ELFN1: variants seen among roughly 807,000 people sequenced by gnomAD.
The protein encoded by ELFN1 is protein ELFN1.
A neutral mutation model predicts 7.6 loss-of-function variants in ELFN1; 6 were observed. That is an observed-to-expected ratio of 0.79 (90% CI 0.43 to 1.56). The LOEUF (loss-of-function observed/expected upper bound fraction) is 1.56, where lower values mean the gene tolerates loss of function less well. ELFN1 is among the 40% of genes most tolerant of loss of function. ELFN1 has a pLI of 0.01. For missense variants in ELFN1, 1,169 were observed against 1,232.2 expected (o/e 0.95, Z 0.77); for synonymous variants, 657 against 588.1 (o/e 1.12, Z -1.70).
chr7:1,686,892 T>C (rs186557667), intron 1 of ELFN1, among the ~76,000 whole-genome samples: 2 of 152,290 alleles, frequency 1.3e-5, no homozygotes, highest in Non-Finnish European at 2.9e-5. Context: ...CCAGCTAGTC[T>C]ACTGGTGTAT....
intron 1 of ELFN1, among the ~76,000 whole-genome samples, chr7:1,676,180 T>G (rs903978787): frequency 2.6e-5 from 4 of 152,182 alleles, no homozygotes; most frequent in Non-Finnish European, 5.9e-5. Context: ...CAGGGCACCC[T>G]GGAGAGGAAC....
chr7:1,677,906 G>T (rs1265459576), intron 1 of ELFN1, among the ~76,000 whole-genome samples: 1 of 152,084 alleles, frequency 6.6e-6, no homozygotes, highest in Non-Finnish European at 1.5e-5. Context: ...GGCAGGGAGG[G>T]ACGTCAGGAA....
rs145795390 is a variant in ELFN1, at chr7:1,731,753, G to A, written c.-293-12551G>A. On this transcript the variant is annotated intron_variant, in intron 3 of 3. Coordinates refer to ENST00000424383, the MANE Select transcript of ELFN1 (RefSeq NM_001128636.4). ...TGCAATCTCCGCAGGAGAATCAAAC[G>A]ATTCTCCTGTCTCAGCCTCCTGAGT... 8.6e-3 allele frequency among the ~76,000 whole-genome samples: 1,310 copies of A among 152,276 alleles called. 25 individuals carry two copies. The highest frequency in any genetic ancestry group is 0.03 in the African/African-American group (1,241 of 41,550).
rs576084813 is a variant in ELFN1 at position 1,714,845 on chromosome 7, G to A, written c.-294+5593G>A. Among the ~76,000 whole-genome samples, 15 of 152,344 alleles carry A rather than the reference G, an allele frequency of 9.8e-5. No individual in the cohort carries two copies. The East Asian group carries it at 1.9e-3, about 20-fold the overall frequency. ...TAAACACTGCATGGTTGAACCCCAC[G>A]TGGGGGTCATTTTTCTTACGCAAAG... On this transcript the variant is annotated intron_variant, in intron 3 of 3. Transcript: ENST00000424383.
chr7:1,733,566 C>G (rs116339625), intron 3 of ELFN1, among the ~76,000 whole-genome samples: 2 of 152,204 alleles, frequency 1.3e-5, no homozygotes, highest in East Asian at 3.9e-4. Context: ...CTGAGCAAAC[C>G]GGGCTGGGCC....
At chr7:1,675,461 G>C (rs1022576753) in intron 1 of ELFN1, among the ~76,000 whole-genome samples, 2 of 152,260 alleles carry the variant, frequency 1.3e-5, no homozygotes, top group Non-Finnish European at 2.9e-5. Context: ...CAGCCTGGAG[G>C]CTCCCCCGTG....
intron 3 of ELFN1, among the ~76,000 whole-genome samples, chr7:1,737,186 G>A (rs1004242673): frequency 1.3e-5 from 2 of 152,080 alleles, no homozygotes; most frequent in African/African-American, 4.8e-5. Flanking sequence ...CGCAGCTCCT[G>A]CCAAAGCCCT....
At chr7:1,711,935 C>G (rs1044504517) in intron 3 of ELFN1, among the ~76,000 whole-genome samples, 2 of 152,220 alleles carry the variant, frequency 1.3e-5, no homozygotes, top group African/African-American at 4.8e-5. Flanking sequence ...CACGTTGCGG[C>G]AGAGAGAACA....
chr7:1,744,698 C>A lies in ELFN1; in HGVS notation c.102C>A (p.Gly34=). 6.4e-7 allele frequency: 1 copy of A among 1,551,582 alleles called. No individual in the cohort carries two copies. Among genetic ancestry groups the A allele is most frequent in the Non-Finnish European group, 8.7e-7 (1 of 1,146,982 alleles). The change falls in exon 4 of 4, where the codon GGC becomes GGA. Residue 34 remains glycine (G), a synonymous_variant. Coordinates refer to ENST00000424383, the MANE Select transcript of ELFN1 (RefSeq NM_001128636.4). ...LARADCWLIE[G]DKGFVWLAIC... ...GCGCAGACTGCTGGCTGATCGAGGG[C>A]GACAAGGGCTTCGTGTGGCTGGCCA...
chr7:1,693,721 T>G (rs1301797777), intron 2 of ELFN1: 13 of 470,788 alleles, frequency 2.8e-5, no homozygotes, highest in Non-Finnish European at 4.8e-5. Context: ...ACACTCACCC[T>G]CCCGCTCGTC....
rs1170342292 is a variant in ELFN1 at position 1,670,800 on chromosome 7, G to T, written c.-549+446G>T. Among the ~76,000 whole-genome samples, 1 of 152,068 alleles carries T rather than the reference G, an allele frequency of 6.6e-6. No individual in the cohort carries two copies. The highest frequency in any genetic ancestry group is 1.5e-5 in the Non-Finnish European group (1 of 67,992). Reference sequence around the variant, plus strand: ...GAGTCGCTGACCCCTCCCCAGGCTCGCATCGCCCTCCCTGCTGGGCCGCCC... The same window carrying T: ...GAGTCGCTGACCCCTCCCCAGGCTCTCATCGCCCTCCCTGCTGGGCCGCCC... On this transcript the variant is annotated intron_variant, in intron 1 of 3. Transcript: ENST00000424383. This position sits in a 1 kb window ranked among gnomAD's most constrained non-coding sequence, Gnocchi z 6.4.
chr7:1,741,411 G>A (rs1303882370), intron 3 of ELFN1, among the ~76,000 whole-genome samples: 1 of 152,228 alleles, frequency 6.6e-6, no homozygotes, highest in Admixed American at 6.5e-5. Context: ...CGAGCAGGAA[G>A]GTGAGGGCTG....
intron 3 of ELFN1, among the ~76,000 whole-genome samples, chr7:1,716,229 C>T (rs890206826): frequency 2.6e-5 from 4 of 152,216 alleles, no homozygotes; most frequent in Non-Finnish European, 5.9e-5. Flanking sequence ...ACCCTGCAAT[C>T]CAGCCTTGGC....
chr7:1,676,280 C>G (rs558105544), intron 1 of ELFN1, among the ~76,000 whole-genome samples: 1 of 152,124 alleles, frequency 6.6e-6, no homozygotes, highest in East Asian at 1.9e-4. Flanking sequence ...CTGTTTGCCC[C>G]GTGGAAGCTG....
Position 1,747,229 on chromosome 7 carries a change from C to A in ELFN1, c.*146C>A. ...GAGGCGAGGGGGGAGCGAGTGGGGA[C>A]AGACAAGGGGGACACGTCCCGAGCT... On this transcript the variant is annotated 3_prime_UTR_variant, in exon 4 of 4. Transcript: ENST00000424383. 1 of 970,020 alleles carries A rather than the reference C, an allele frequency of 1.0e-6. No individual in the cohort carries two copies. Among genetic ancestry groups the A allele is most frequent in the Non-Finnish European group, 1.4e-6 (1 of 695,520 alleles). 60.1% of individuals were successfully genotyped at this position (970,020 alleles called of 1,614,324 possible). A position where few individuals can be genotyped will look rare whatever the true frequency, so the allele number is the denominator to read the frequency against.
At chr7:1,692,340 G>C (rs577342355) in intron 2 of ELFN1, 3 of 152,978 alleles carry the variant, frequency 2.0e-5, no homozygotes, top group East Asian at 3.8e-4. Flanking sequence ...GTGGAGTCTG[G>C]GCTGAGGGCT....
At chr7:1,742,041 T>C (rs1205274998) in intron 3 of ELFN1, among the ~76,000 whole-genome samples, 1 of 151,958 alleles carries the variant, frequency 6.6e-6, no homozygotes. Flanking sequence ...TGGACACAGG[T>C]ATACATGTGT....
intron 1 of ELFN1, among the ~76,000 whole-genome samples, chr7:1,672,964 GA>G (rs1256331708): frequency 6.6e-6 from 1 of 152,130 alleles, no homozygotes; most frequent in East Asian, 1.9e-4. Context: ...GCAAGTGAGT[GA>G]CAGGCGAGAG....
chr7:1,720,476 G>A (rs374084933), intron 3 of ELFN1, among the ~76,000 whole-genome samples: 2 of 152,228 alleles, frequency 1.3e-5, no homozygotes, highest in African/African-American at 2.4e-5. Flanking sequence ...AGAACACCGA[G>A]GCCATGAGCC....
Sources: gnomAD v4.1 joint callset for allele counts (sites outside exome capture counted in the v4.1 genomes callset) on GRCh38, gnomAD v4.1.1 for gene constraint, Gnocchi (gnomAD v3.1) non-coding constraint, MANE v1.5 for transcripts, NCBI Gene and HGNC (gene_info 2026-07-23, HGNC 2026-07-21) for gene names.